Variants in AKAP6 observed in about 807,000 individuals in gnomAD.
AKAP6 encodes A-kinase anchoring protein 6.
AKAP6 carries 58 observed loss-of-function variants against 188.5 expected under a neutral mutation model. The ratio of observed to expected loss-of-function variants is 0.31; its 90% CI spans 0.25 to 0.38. The LOEUF is 0.38. Among genes scored for constraint, AKAP6 ranks in the 10% least tolerant of loss-of-function variants. The probability of loss-of-function intolerance (pLI) is 1.00; values close to 1 mark genes in which losing one functional copy is unlikely to be tolerated. For synonymous variants in AKAP6, 989 were observed against 998.6 expected (o/e 0.99, Z 0.18); for missense variants, 2,710 against 2,740.0 (o/e 0.99, Z 0.24).
At chr14:32,656,072 G>C (rs1010662856) in intron 7 of AKAP6, among the ~76,000 whole-genome samples, 1 of 152,074 alleles carries the variant, frequency 6.6e-6, no homozygotes, top group African/African-American at 2.4e-5. Flanking sequence ...TAGTGATAAA[G>C]TAAGTATTAA....
In AKAP6 at chr14:32,433,773, G is replaced by T; in HGVS notation, c.280G>T (p.Asp94Tyr). The T allele has an allele frequency of 4.3e-6, 7 of 1,614,116 alleles. No individual in the cohort carries two copies. Among genetic ancestry groups the T allele is most frequent in the Non-Finnish European group, 5.9e-6 (7 of 1,180,024 alleles). Residue 94 changes from aspartate (D) to tyrosine (Y), a missense_variant, in exon 2 of 14, where the codon GAT becomes TAT. This residue lies in a region of AKAP6 where 237 missense variants were observed against 313.9 expected (regional missense o/e 0.76). Transcript: ENST00000280979. ...AGACCTAACCTATTCAGTCCAGCAGGATTCGGACAGCAAGCATGTGGATGT... is the reference window on the plus strand; with the variant it reads ...AGACCTAACCTATTCAGTCCAGCAGTATTCGGACAGCAAGCATGTGGATGT... ...VRDLTYSVQQ[D>Y]SDSKHVDVHL...
intron 10 of AKAP6, among the ~76,000 whole-genome samples, chr14:32,734,888 C>G (rs186184809): frequency 1.1e-3 from 162 of 152,022 alleles, no homozygotes; most frequent in African/African-American, 3.8e-3. Context: ...GATTTAAATC[C>G]TATTGATTGG....
At chr14:32,725,401 A>G (rs1351409749) in intron 9 of AKAP6, among the ~76,000 whole-genome samples, 1 of 152,240 alleles carries the variant, frequency 6.6e-6, no homozygotes, top group Non-Finnish European at 1.5e-5. Flanking sequence ...TTCAGACCTG[A>G]CAAATCACAC....
chr14:32,805,542 G>C (rs1420120384), intron 12 of AKAP6, among the ~76,000 whole-genome samples: 1 of 152,146 alleles, frequency 6.6e-6, no homozygotes, highest in Non-Finnish European at 1.5e-5. Context: ...GTTATGACTT[G>C]AAAAAGGTTG....
chr14:32,428,172 G>A (rs1340902038), intron 1 of AKAP6, among the ~76,000 whole-genome samples: 1 of 152,120 alleles, frequency 6.6e-6, no homozygotes, highest in Non-Finnish European at 1.5e-5. Flanking sequence ...TGGGGTTTTT[G>A]AGAGTAAAGT....
intron 1 of AKAP6, among the ~76,000 whole-genome samples, chr14:32,359,983 A>T (rs765002883): frequency 2.0e-5 from 3 of 152,176 alleles, no homozygotes; most frequent in African/African-American, 7.2e-5. Flanking sequence ...CACTGAGTTC[A>T]GTCACACTCA....
intron 5 of AKAP6, among the ~76,000 whole-genome samples, chr14:32,581,784 A>C (rs567427702): frequency 9.2e-5 from 14 of 152,244 alleles, no homozygotes; most frequent in African/African-American, 3.4e-4. Context: ...TTGTTGGTTT[A>C]AAGTCTGTTT....
At position 32,735,726 on chromosome 14, in the gene AKAP6, C is replaced by A. The variant is rs763935651; in HGVS notation, c.3216C>A (p.Leu1072=). ...GTGGGTCGAGTCCACGTGACCTGCT[C>A]TCTCCTGAAAGTGGAAGCCTGGTAA... ...GHSGSSPRDL[L]SPESGSLVRQ... The change falls in exon 11 of 14, where the codon CTC becomes CTA. Residue 1072 remains leucine (L), a synonymous_variant. Coordinates refer to ENST00000280979, the MANE Select transcript of AKAP6 (RefSeq NM_004274.5). 3.3e-5 allele frequency: 54 copies of A among 1,613,484 alleles called. No homozygotes were observed. Among genetic ancestry groups the A allele is most frequent in the Non-Finnish European group, 4.6e-5 (54 of 1,179,774 alleles).
intron 2 of AKAP6, among the ~76,000 whole-genome samples, chr14:32,525,793 G>C (rs1165510481): frequency 2.6e-5 from 4 of 152,182 alleles, no homozygotes; most frequent in African/African-American, 9.7e-5. Flanking sequence ...TGTCCTAACA[G>C]TGTGGCATTA....
chr14:32,792,130 T>G (rs2033630578), intron 12 of AKAP6, among the ~76,000 whole-genome samples: 1 of 152,218 alleles, frequency 6.6e-6, no homozygotes. Flanking sequence ...ATATGAAATT[T>G]AAAGTAGTTT....
intron 9 of AKAP6, among the ~76,000 whole-genome samples, chr14:32,702,785 T>G (rs1405309492): frequency 1.3e-5 from 2 of 152,142 alleles, no homozygotes; most frequent in South Asian, 2.1e-4. Context: ...TGGGGAAAGT[T>G]CCCCTCATTT....
intron 9 of AKAP6, among the ~76,000 whole-genome samples, chr14:32,704,568 A>G (rs758954193): frequency 6.6e-6 from 1 of 152,158 alleles, no homozygotes; most frequent in Non-Finnish European, 1.5e-5. Flanking sequence ...TAAATTACTT[A>G]TCTTTAGTGG....
chr14:32,793,101 A>G (rs1047383969), intron 12 of AKAP6, among the ~76,000 whole-genome samples: 6 of 152,214 alleles, frequency 3.9e-5, no homozygotes, highest in African/African-American at 1.4e-4. Flanking sequence ...CAGTGACATT[A>G]TGAAGCAACC....
In AKAP6 at chr14:32,530,354, C is replaced by CT. The variant is rs200749522; in HGVS notation, c.325-5191dup. Among the ~76,000 whole-genome samples, 901 of 151,396 alleles carry CT rather than the reference C, an allele frequency of 6.0e-3. 38 individuals carry two copies. In the East Asian group the frequency reaches 0.09, roughly 15 times the overall value. On this transcript the variant is annotated intron_variant, in intron 2 of 13. Coordinates refer to ENST00000280979, the MANE Select transcript of AKAP6 (RefSeq NM_004274.5). ...TAGGGGAATTTGCCTTTCTTTCCTT[C>CT]TTTTTTTTTGTGTGTGTGTTTTAGA...
At position 32,824,170 on chromosome 14, in the gene AKAP6, C is replaced by T; in HGVS notation, c.6357C>T (p.Asp2119=). 1 of 1,613,948 alleles carries T rather than the reference C, an allele frequency of 6.2e-7. No individual in the cohort carries two copies. Among genetic ancestry groups the T allele is most frequent in the Non-Finnish European group, 8.5e-7 (1 of 1,179,916 alleles). ...FYSYLSLSSH[D]SDCGEVTNYI... ...CGTACTTATCTCTCTCATCTCATGA[C>T]AGTGATTGTGGGGAGGTCACCAATT... The change falls in exon 13 of 14, where the codon GAC becomes GAT. Residue 2119 remains aspartate, a synonymous_variant. Transcript: ENST00000280979.
intron 2 of AKAP6, among the ~76,000 whole-genome samples, chr14:32,524,345 G>A (rs1882015121): frequency 6.6e-6 from 1 of 152,146 alleles, no homozygotes; most frequent in Non-Finnish European, 1.5e-5. Flanking sequence ...GGGTGGGGAT[G>A]GCTGGTAAAG....
At chr14:32,552,194 G>A (rs1431532488) in intron 4 of AKAP6, among the ~76,000 whole-genome samples, 1 of 152,192 alleles carries the variant, frequency 6.6e-6, no homozygotes, top group Non-Finnish European at 1.5e-5. Flanking sequence ...TTAGAAAGAT[G>A]AACGAACAAT....
At chr14:32,675,480 C>T (rs1331967237) in intron 7 of AKAP6, among the ~76,000 whole-genome samples, 2 of 152,080 alleles carry the variant, frequency 1.3e-5, no homozygotes, top group Non-Finnish European at 1.5e-5. Context: ...ACTAAATTTT[C>T]TTCAACTCTT....
chr14:32,338,760 G>A (rs1886797645), intron 1 of AKAP6, among the ~76,000 whole-genome samples: 1 of 152,030 alleles, frequency 6.6e-6, no homozygotes, highest in African/African-American at 2.4e-5. Context: ...CCATATGTAA[G>A]GAGAATATCC....
Sources: allele counts gnomAD v4.1 joint callset (sites outside exome capture counted in the v4.1 genomes callset), GRCh38; gene constraint gnomAD v4.1.1; regional missense constraint gnomAD v4.1.1; transcripts MANE v1.5; gene names NCBI Gene and HGNC (gene_info 2026-07-23, HGNC 2026-07-21).